Variants in CCDC178 observed in about 807,000 individuals in gnomAD.
CCDC178 encodes coiled-coil domain-containing protein 178.
Under a neutral mutation model 117.4 loss-of-function variants are expected in CCDC178, and 126 were observed. The observed-to-expected ratio is 1.07, with a 90% CI of 0.93 to 1.24. The LOEUF (loss-of-function observed/expected upper bound fraction) is 1.24. Among genes scored for constraint, CCDC178 ranks in the 50% most tolerant of loss-of-function variants. CCDC178 has a pLI of 0.00. For missense variants in CCDC178, 1,030 were observed against 986.9 expected, an observed-to-expected ratio of 1.04 and a Z score of -0.59; for synonymous variants, 283 against 313.4, an observed-to-expected ratio of 0.90 and a Z score of 1.02.
chr18:33,385,457 T>C (rs1359671599), intron 5 of CCDC178, among the ~76,000 whole-genome samples: 2 of 152,138 alleles, frequency 1.3e-5, no homozygotes, highest in South Asian at 4.1e-4. Context: ...ATCACATAAT[T>C]GGAACTAAAA....
intron 12 of CCDC178, among the ~76,000 whole-genome samples, chr18:33,285,066 T>C (rs1457515847): frequency 6.6e-6 from 1 of 152,086 alleles, no homozygotes; most frequent in East Asian, 1.9e-4. Context: ...GTTTGAAAAT[T>C]CTAAAATTAT....
intron 21 of CCDC178, among the ~76,000 whole-genome samples, chr18:33,021,988 T>C (rs960057672): frequency 6.6e-6 from 1 of 152,206 alleles, no homozygotes; most frequent in African/African-American, 2.4e-5. Flanking sequence ...TATAATTTCC[T>C]TTTAATTTTA....
chr18:33,068,845 A>T (rs1397886617), intron 21 of CCDC178, among the ~76,000 whole-genome samples: 1 of 152,122 alleles, frequency 6.6e-6, no homozygotes, highest in East Asian at 1.9e-4. Context: ...TAAATAAATA[A>T]AAGGCATCCA....
chr18:32,944,500 T>G (rs1340863612), intron 22 of CCDC178, among the ~76,000 whole-genome samples: 1 of 152,234 alleles, frequency 6.6e-6, no homozygotes, highest in Non-Finnish European at 1.5e-5. Context: ...TTAATTGAGA[T>G]GTGGCTATAA....
intron 20 of CCDC178, among the ~76,000 whole-genome samples, chr18:33,107,628 C>A (rs2057725660): frequency 6.6e-6 from 1 of 151,600 alleles, no homozygotes; most frequent in Non-Finnish European, 1.5e-5. Context: ...ATTTTACATG[C>A]CTAATTTTCT....
At chr18:33,074,396 A>G (rs2057167811) in intron 21 of CCDC178, among the ~76,000 whole-genome samples, 1 of 152,076 alleles carries the variant, frequency 6.6e-6, no homozygotes, top group Non-Finnish European at 1.5e-5. Flanking sequence ...TCATAGATTA[A>G]TTGCACCTGT....
chr18:33,154,971 C>CA (rs538137868), intron 20 of CCDC178, among the ~76,000 whole-genome samples: 3 of 151,662 alleles, frequency 2.0e-5, no homozygotes, highest in Non-Finnish European at 4.4e-5. Flanking sequence ...GATAGAATAC[C>CA]AAAAAAATCA....
At chr18:33,340,361 G>A (rs2062800842) in intron 9 of CCDC178, among the ~76,000 whole-genome samples, 1 of 152,114 alleles carries the variant, frequency 6.6e-6, no homozygotes, top group Non-Finnish European at 1.5e-5. Context: ...AAGGGAAACA[G>A]CATAAAAGTT....
At chr18:33,022,747 C>T (rs1035062655) in intron 21 of CCDC178, among the ~76,000 whole-genome samples, 7 of 152,042 alleles carry the variant, frequency 4.6e-5, no homozygotes, top group Non-Finnish European at 1.0e-4. Context: ...TTAATAACTA[C>T]ATTAAATGTA....
intron 21 of CCDC178, among the ~76,000 whole-genome samples, chr18:33,041,702 T>C (rs2056552507): frequency 6.6e-6 from 1 of 151,680 alleles, no homozygotes. Context: ...CAAACAGTTT[T>C]ACTTAAAAAT....
At position 33,347,170 on chromosome 18, in the gene CCDC178, G is replaced by A. The variant is rs139429707; in HGVS notation, c.458-759C>T. On this transcript the variant is annotated intron_variant, in intron 8 of 22. Transcript: ENST00000383096. ...TGTAGGACTGATGCCTATAAACACT[G>A]ACTTTTGCCAAAATGTTATATAAAC... Among the ~76,000 whole-genome samples the A allele has an allele frequency of 7.2e-4, 109 of 152,176 alleles. 1 individual carries two copies. Among genetic ancestry groups the A allele is most frequent in the Middle Eastern group, 6.8e-3 (2 of 294 alleles).
intron 21 of CCDC178, among the ~76,000 whole-genome samples, chr18:33,087,235 T>C (rs1185000129): frequency 6.6e-6 from 1 of 152,178 alleles, no homozygotes; most frequent in African/African-American, 2.4e-5. Context: ...AAAACTGGTA[T>C]TGGACTGAAT....
At chr18:33,153,651 A>G (rs1255021558) in intron 20 of CCDC178, among the ~76,000 whole-genome samples, 1 of 152,136 alleles carries the variant, frequency 6.6e-6, no homozygotes, top group Non-Finnish European at 1.5e-5. Context: ...ATTTTGTCAC[A>G]GTGTTTCATA....
intron 4 of CCDC178, among the ~76,000 whole-genome samples, chr18:33,394,013 A>G (rs1568198208): frequency 1.3e-5 from 2 of 151,944 alleles, no homozygotes; most frequent in African/African-American, 2.4e-5. Context: ...TTTTTTTCAC[A>G]CACTAAGATC....
intron 21 of CCDC178, among the ~76,000 whole-genome samples, chr18:32,982,632 G>A (rs916106626): frequency 6.6e-6 from 1 of 152,102 alleles, no homozygotes; most frequent in Non-Finnish European, 1.5e-5. Flanking sequence ...TACAGATCCA[G>A]TTTCAACTGG....
rs1404315445 is a variant in CCDC178 at position 33,134,682 on chromosome 18, CT to C, written c.2239-41773del. ...GTTTCGCCCATCCCATTTTTCCTTCCTTTCTTCTTTCCTTCTAATATTTATT... is the reference window on the plus strand; with the variant it reads ...GTTTCGCCCATCCCATTTTTCCTTCCTTCTTCTTTCCTTCTAATATTTATT... On this transcript the variant is annotated intron_variant, in intron 20 of 22. Coordinates refer to ENST00000383096, the MANE Select transcript of CCDC178 (RefSeq NM_001105528.4). Among the ~76,000 whole-genome samples, 15 of 152,126 alleles carry C rather than the reference CT, an allele frequency of 9.9e-5. No individual in the cohort carries two copies. In the East Asian group the frequency reaches 2.7e-3, roughly 27 times the overall value.
At chr18:33,063,826 G>A (rs2056969516) in intron 21 of CCDC178, among the ~76,000 whole-genome samples, 1 of 152,278 alleles carries the variant, frequency 6.6e-6, no homozygotes, top group African/African-American at 2.4e-5. Context: ...TTGTGCCAGA[G>A]AACCAGCTTG....
chr18:33,215,482 T>C (rs748658191), intron 19 of CCDC178, 68 bp downstream of exon 19: 7 of 899,110 alleles, frequency 7.8e-6, no homozygotes, highest in African/African-American at 3.5e-5. Context: ...ATTTTAAATA[T>C]GGAAATTTGA....
At chr18:33,236,207 C>A (rs1232679007) in intron 15 of CCDC178, among the ~76,000 whole-genome samples, 1 of 152,090 alleles carries the variant, frequency 6.6e-6, no homozygotes, top group Non-Finnish European at 1.5e-5. Flanking sequence ...TCAGGCCAGG[C>A]TCAACAAATA....
Sources: gnomAD v4.1 joint callset for allele counts (sites outside exome capture counted in the v4.1 genomes callset) on GRCh38, gnomAD v4.1.1 for gene constraint, MANE v1.5 for transcripts, NCBI Gene and HGNC (gene_info 2026-07-23, HGNC 2026-07-21) for gene names.